PPP4R1: variants seen among roughly 807,000 people sequenced by gnomAD.
The protein encoded by PPP4R1 is serine/threonine-protein phosphatase 4 regulatory subunit 1.
PPP4R1 carries 42 observed loss-of-function variants against 111.2 expected under a neutral mutation model. The ratio of observed to expected loss-of-function variants is 0.38; its 90% CI spans 0.29 to 0.49. The LOEUF is 0.49. Ranked by LOEUF, PPP4R1 falls within the 20% of genes least tolerant of loss-of-function variation. The probability of loss-of-function intolerance (pLI) is 0.97; values close to 1 mark genes in which losing one functional copy is unlikely to be tolerated. For synonymous variants in PPP4R1, 409 were observed against 405.5 expected, an observed-to-expected ratio of 1.01 and a Z score of -0.10; for missense variants, 1,012 against 1,161.6, an observed-to-expected ratio of 0.87 and a Z score of 1.87.
At chr18:9,614,863 G>GACCCTGCGGCGAGTGCCGGA (rs2067666287), upstream of PPP4R1, 1 of 150,304 alleles carries the variant, frequency 6.7e-6, no homozygotes, top group African/African-American at 2.4e-5. This position sits in a 1 kb window ranked among gnomAD's most constrained non-coding sequence, Gnocchi z 4.1. Flanking sequence ...CGCCGGCCGG[G>GACCCTGCGGCGAGTGCCGGA]ACCCTGCGGC....
intron 13 of PPP4R1, 94 bp downstream of exon 13, chr18:9,561,886 T>G: frequency 1.1e-6 from 1 of 944,918 alleles, no homozygotes; most frequent in East Asian, 2.5e-5. Context: ...TTTAGAACAC[T>G]CATCATAAAG....
chr18:9,586,757 T>C (rs1356070616), intron 6 of PPP4R1, among the ~76,000 whole-genome samples: 5 of 152,130 alleles, frequency 3.3e-5, no homozygotes, highest in Non-Finnish European at 5.9e-5. Flanking sequence ...ACTATCCAAA[T>C]AGATATGAAT....
chr18:9,611,923 A>T (rs1296217455), intron 2 of PPP4R1, among the ~76,000 whole-genome samples: 1 of 152,106 alleles, frequency 6.6e-6, no homozygotes, highest in Non-Finnish European at 1.5e-5. Context: ...AGGCAGGAGA[A>T]TCACTTGAAC....
At chr18:9,605,566 C>CAAA (rs34208690) in intron 2 of PPP4R1, among the ~76,000 whole-genome samples, 9 of 67,636 alleles carry the variant, frequency 1.3e-4, no homozygotes, top group African/African-American at 3.5e-4. Context: ...GCAGTCCTGT[C>CAAA]AAAAAAAAAA....
rs368653094 is a variant in PPP4R1, at chr18:9,581,528, A to AATAG, written c.918+1585_918+1588dup. On this transcript the variant is annotated intron_variant, in intron 9 of 19. Transcript: ENST00000400556. ...TCAATAGAGATTATGCAAGCCAAAG[A>AATAG]ATAGAGAGGGGGAAAAAATTGAGGA... Among the ~76,000 whole-genome samples the AATAG allele has an allele frequency of 1.9e-3, 278 of 146,962 alleles. 1 individual carries two copies. Among genetic ancestry groups the AATAG allele is most frequent in the African/African-American group, 6.5e-3 (261 of 40,074 alleles).
chr18:9,553,510 T>C (rs906964295), intron 15 of PPP4R1, 88 bp from the exon 16 acceptor site: 2 of 801,726 alleles, frequency 2.5e-6, no homozygotes, highest in Non-Finnish European at 2.0e-6. Flanking sequence ...CTGTAAGCAA[T>C]ATGGTTAATT....
intron 9 of PPP4R1, among the ~76,000 whole-genome samples, chr18:9,579,986 T>C (rs1247463069): frequency 6.6e-6 from 1 of 152,196 alleles, no homozygotes; most frequent in Admixed American, 6.5e-5. Context: ...CTAATGCATG[T>C]TACCAATCCA....
At chr18:9,556,143 G>C (rs1421829419) in intron 15 of PPP4R1, among the ~76,000 whole-genome samples, 4 of 150,060 alleles carry the variant, frequency 2.7e-5, no homozygotes, top group Admixed American at 6.7e-5. Context: ...CCTTGTGACA[G>C]AGCGAGACTC....
At chr18:9,594,711 G>A (rs574967255) in intron 3 of PPP4R1, 1 of 280,034 alleles carries the variant, frequency 3.6e-6, no homozygotes, top group African/African-American at 2.2e-5. Context: ...ACAACATCAT[G>A]TGTTGAAGGA....
intron 10 of PPP4R1, among the ~76,000 whole-genome samples, chr18:9,570,965 C>G (rs888278372): frequency 2.2e-4 from 33 of 152,024 alleles, no homozygotes; most frequent in African/African-American, 8.0e-4. Context: ...TTCTATAACA[C>G]CATGCTAATT....
chr18:9,601,207 T>G (rs2067376263), intron 2 of PPP4R1, among the ~76,000 whole-genome samples: 1 of 149,620 alleles, frequency 6.7e-6, no homozygotes, highest in Admixed American at 6.6e-5. Context: ...TACTGTTGTT[T>G]TTTTTTTTGG....
In PPP4R1 at chr18:9,614,085, A is replaced by T; in HGVS notation, c.52+141T>A. The T allele has an allele frequency of 1.6e-6, 1 of 608,590 alleles. No homozygotes were observed. Among genetic ancestry groups the T allele is most frequent in the Non-Finnish European group, 2.2e-6 (1 of 448,424 alleles). The allele number at this position is 608,590 out of a possible 1,614,324, so 37.7% of individuals were successfully genotyped here. On this transcript the variant is annotated intron_variant, in intron 2 of 19. Transcript: ENST00000400556. The surrounding 1 kb of genome is among the most constrained non-coding windows in gnomAD (Gnocchi z 4.1). ...CACGGACGCGAGATTTTCCCCCCCGATCGCCACCCCAGCCCGCCTGGGGCC... is the reference window on the plus strand; with the variant it reads ...CACGGACGCGAGATTTTCCCCCCCGTTCGCCACCCCAGCCCGCCTGGGGCC...
intron 14 of PPP4R1, among the ~76,000 whole-genome samples, chr18:9,558,515 T>C (rs1269562926): frequency 6.6e-6 from 1 of 152,172 alleles, no homozygotes; most frequent in Non-Finnish European, 1.5e-5. Context: ...TGGTTAAGGA[T>C]AAATTCACTT....
At chr18:9,611,981 C>T (rs1268482141) in intron 2 of PPP4R1, among the ~76,000 whole-genome samples, 3 of 151,850 alleles carry the variant, frequency 2.0e-5, no homozygotes, top group African/African-American at 7.3e-5. Context: ...ATTTTGCACT[C>T]CAGCCTGGGC....
At chr18:9,570,837 ATGCTTCTTTCTCC>A (rs2066850839) in intron 10 of PPP4R1, among the ~76,000 whole-genome samples, 154 bp from the exon 11 acceptor site, 1 of 152,238 alleles carries the variant, frequency 6.6e-6, no homozygotes, top group East Asian at 1.9e-4. Context: ...ATTATTTATA[ATGCTTCTTTCTCC>A]ATCAGCTGTT....
chr18:9,615,938 G>A (rs2067683097), upstream of PPP4R1, among the ~76,000 whole-genome samples: 1 of 152,148 alleles, frequency 6.6e-6, no homozygotes, highest in South Asian at 2.1e-4. Flanking sequence ...TAACAAGATA[G>A]ACAGATTATA....
At position 9,583,170 on chromosome 18, in the gene PPP4R1, G is replaced by T. The variant is rs190535802; in HGVS notation, c.865C>A (p.Arg289=). The change falls in exon 9 of 20, where the codon CGG becomes AGG. Residue 289 remains arginine, a synonymous_variant. Transcript: ENST00000400556. ...VSCATCQEIR[R]TKLSALFINL... The stretch of plus-strand genomic sequence containing the variant: ...ATAAAAAGTGCTGATAATTTGGTCC[G>T]TCGGATTTCTTGACATGTTGCACAT... 735 of 1,611,904 alleles carry T rather than the reference G, an allele frequency of 4.6e-4. 7 individuals are homozygous for T. The East Asian group carries it at 0.011, about 25-fold the overall frequency.
At chr18:9,597,760 G>A (rs2067313280) in intron 2 of PPP4R1, among the ~76,000 whole-genome samples, 1 of 152,054 alleles carries the variant, frequency 6.6e-6, no homozygotes, top group Non-Finnish European at 1.5e-5. Context: ...TATAAAAATA[G>A]CTAGCACTCA....
Position 9,583,275 on chromosome 18 carries a change from G to A in PPP4R1, c.760C>T (p.Leu254=). 6.4e-7 allele frequency: 1 copy of A among 1,553,272 alleles called. No individual in the cohort carries two copies. The highest frequency in any genetic ancestry group is 8.7e-7 in the Non-Finnish European group (1 of 1,143,050). ...VGQQATEEML[L]PRFFQLCSDN... The stretch of plus-strand genomic sequence containing the variant: ...GAACAAAGCTGGAAAAATCTGGGCA[G>A]CTATGTGAAAAGGAAAGAGTCTTGT... The change falls in exon 9 of 20, where the codon CTG becomes TTG. Residue 254 remains leucine, a splice_region_variant and synonymous_variant. Transcript: ENST00000400556.
Sources: allele counts gnomAD v4.1 joint callset (sites outside exome capture counted in the v4.1 genomes callset), GRCh38; gene constraint gnomAD v4.1.1; non-coding constraint Gnocchi (gnomAD v3.1); transcripts MANE v1.5; gene names NCBI Gene and HGNC (gene_info 2026-07-23, HGNC 2026-07-21).